The following SEC23A variants were observed in gnomAD, a reference collection of about 807,000 sequenced individuals.
SEC23A encodes SEC23 homolog A, COPII component, also known as protein transport protein Sec23A.
In SEC23A, 56 loss-of-function variants were observed where a neutral mutation model predicts 103.7. The ratio of observed to expected loss-of-function variants is 0.54; its 90% CI spans 0.44 to 0.67. The LOEUF (loss-of-function observed/expected upper bound fraction) is 0.67. Among genes scored for constraint, SEC23A ranks in the 30% least tolerant of loss-of-function variants. The pLI is 0.00. For synonymous variants in SEC23A, 281 were observed against 293.0 expected (o/e 0.96, Z 0.42); for missense variants, 784 against 936.4 (o/e 0.84, Z 2.12).
chr14:39,052,181 G>C (rs1370202476), intron 14 of SEC23A, among the ~76,000 whole-genome samples: 1 of 151,960 alleles, frequency 6.6e-6, no homozygotes, highest in East Asian at 1.9e-4. Flanking sequence ...GAGAGCATTG[G>C]GAAGAATAGC....
At chr14:39,079,852 A>C (rs1887161985) in intron 7 of SEC23A, among the ~76,000 whole-genome samples, 1 of 152,070 alleles carries the variant, frequency 6.6e-6, no homozygotes, top group Admixed American at 6.6e-5. Flanking sequence ...AAAATAAAAT[A>C]AAATCATATG....
intron 7 of SEC23A, among the ~76,000 whole-genome samples, chr14:39,079,335 T>C (rs1463166586): frequency 6.6e-6 from 1 of 152,182 alleles, no homozygotes; most frequent in Non-Finnish European, 1.5e-5. Context: ...CTTTTACATA[T>C]GAAAGTATCC....
intron 14 of SEC23A, among the ~76,000 whole-genome samples, chr14:39,052,059 G>A (rs1359097220): frequency 6.6e-6 from 1 of 152,032 alleles, no homozygotes; most frequent in East Asian, 1.9e-4. Context: ...GACAGGAATA[G>A]AAAAGCAAAC....
chr14:39,071,064 G>A (rs1476965155), intron 9 of SEC23A, among the ~76,000 whole-genome samples: 3 of 151,936 alleles, frequency 2.0e-5, no homozygotes, highest in South Asian at 2.1e-4. Flanking sequence ...GACTTACCCC[G>A]AAGATCAAGA....
Position 39,095,940 on chromosome 14 carries a change from A to G in SEC23A, c.179T>C (p.Leu60Pro), listed in dbSNP as rs774109418. ...DLPPIQYEPV[L>P]CSRTTCRAVL... The stretch of plus-strand genomic sequence containing the variant: ...TGCACGGCAAGTGGTCCTACTACAC[A>G]GAACAGGTTCATATTGAATAGGTGG... Residue 60 changes from leucine to proline, a missense_variant, in exon 2 of 20, where the codon CTG becomes CCG. This residue lies in a region of SEC23A where 683 missense variants were observed against 774.2 expected (regional missense o/e 0.88). Coordinates refer to ENST00000307712, the MANE Select transcript of SEC23A (RefSeq NM_006364.4). The G allele has an allele frequency of 4.3e-6, 7 of 1,614,192 alleles. No homozygotes were observed. The highest frequency in any genetic ancestry group is 5.9e-6 in the Non-Finnish European group (7 of 1,180,020).
intron 7 of SEC23A, among the ~76,000 whole-genome samples, chr14:39,085,517 G>C (rs1274729564): frequency 1.3e-5 from 2 of 152,070 alleles, no homozygotes; most frequent in Non-Finnish European, 2.9e-5. Flanking sequence ...GTTATCTCCA[G>C]TTAGATAGTA....
At chr14:39,047,445 G>A (rs1415743235) in intron 15 of SEC23A, 1 of 1,277,118 alleles carries the variant, frequency 7.8e-7, no homozygotes, top group Non-Finnish European at 1.0e-6. Context: ...TCCTCTGTAA[G>A]CATGGAGTTT....
chr14:39,085,639 A>C, intron 7 of SEC23A, 123 bp downstream of exon 7: 1 of 1,145,202 alleles, frequency 8.7e-7, no homozygotes, highest in African/African-American at 1.5e-5. Flanking sequence ...GAGTGAGAGA[A>C]TAGGGAGGAA....
At chr14:39,068,967 T>C (rs1251987236) in intron 9 of SEC23A, among the ~76,000 whole-genome samples, 1 of 152,200 alleles carries the variant, frequency 6.6e-6, no homozygotes, top group Admixed American at 6.5e-5. Context: ...GATCCAGAAG[T>C]CTTGCCAACT....
At chr14:39,088,006 C>G (rs1887503340) in intron 5 of SEC23A, 1 of 152,138 alleles carries the variant, frequency 6.6e-6, no homozygotes, top group Non-Finnish European at 1.5e-5. Flanking sequence ...CTATAAAGCT[C>G]TATAAGGGTT....
intron 14 of SEC23A, among the ~76,000 whole-genome samples, chr14:39,053,491 C>T (rs1196049426): frequency 6.6e-6 from 1 of 150,554 alleles, no homozygotes; most frequent in Non-Finnish European, 1.5e-5. Flanking sequence ...AATAGTGGAC[C>T]CTATGAGAGG....
intron 5 of SEC23A, among the ~76,000 whole-genome samples, chr14:39,088,995 G>A (rs964412874): frequency 1.1e-4 from 16 of 151,256 alleles, no homozygotes; most frequent in East Asian, 3.9e-4. Context: ...GGTGAAACCC[G>A]GTCTCTACTA....
intron 1 of SEC23A, among the ~76,000 whole-genome samples, chr14:39,098,014 G>A (rs149289092): frequency 6.6e-6 from 1 of 152,030 alleles, no homozygotes; most frequent in Non-Finnish European, 1.5e-5. Flanking sequence ...GCTTGAACTG[G>A]GGGGGCAGAG....
In SEC23A at chr14:39,094,373, T is replaced by TACAC. The variant is rs1160995370; in HGVS notation, c.222-1133_222-1130dup. On this transcript the variant is annotated intron_variant, in intron 2 of 19. Coordinates refer to ENST00000307712, the MANE Select transcript of SEC23A (RefSeq NM_006364.4). Reference sequence around the variant, plus strand: ...ATATATACACATATACATATATATATACACACACACACACACACACACACA... The same window carrying TACAC: ...ATATATACACATATACATATATATATACACACACACACACACACACACACACACA... Among the ~76,000 whole-genome samples the TACAC allele has an allele frequency of 8.2e-4, 16 of 19,450 alleles. 3 individuals carry two copies. Among genetic ancestry groups the TACAC allele is most frequent in the South Asian group, 2.0e-3 (1 of 494 alleles). The allele number at this position is 19,450 out of a possible 152,430, so 12.8% of individuals were successfully genotyped here.
rs1172686756 is a variant in SEC23A at position 39,057,363 on chromosome 14, T to G, written c.1506-2067A>C. Among the ~76,000 whole-genome samples, 7 of 152,146 alleles carry G rather than the reference T, an allele frequency of 4.6e-5. No individual in the cohort carries two copies. In the East Asian group the frequency reaches 1.3e-3, roughly 29 times the overall value. On this transcript the variant is annotated intron_variant, in intron 13 of 19. Coordinates refer to ENST00000307712, the MANE Select transcript of SEC23A (RefSeq NM_006364.4). The stretch of plus-strand genomic sequence containing the variant: ...AGGAAGTTTTTAAAAAACAGAGATT[T>G]TTTTAAGAGACAAGGTCTCACTCTA...
At chr14:39,085,724 ACACAC>A in intron 7 of SEC23A, 33 bp downstream of exon 7, 1 of 1,581,016 alleles carries the variant, frequency 6.3e-7, no homozygotes, top group Non-Finnish European at 8.7e-7. Context: ...ACACACACAC[ACACAC>A]TTTACATTCC....
chr14:39,050,142 C>A (rs1886007307), intron 14 of SEC23A, among the ~76,000 whole-genome samples: 1 of 152,112 alleles, frequency 6.6e-6, no homozygotes, highest in African/African-American at 2.4e-5. Flanking sequence ...TCCTTATTTA[C>A]AACCCAACCA....
At chr14:39,079,500 G>T (rs979671378) in intron 7 of SEC23A, among the ~76,000 whole-genome samples, 1 of 152,016 alleles carries the variant, frequency 6.6e-6, no homozygotes, top group Non-Finnish European at 1.5e-5. Context: ...GAATGTAAAC[G>T]ATATAAACTT....
Position 39,051,967 on chromosome 14 carries a change from G to GA in SEC23A, c.1659+3175dup, listed in dbSNP as rs34179296. ...GGGCGACAAGGCGAGGCTCCTTCTC[G>GA]AAAAAAAAAAAAAATGGAACCAGAT... On this transcript the variant is annotated intron_variant, in intron 14 of 19. Transcript: ENST00000307712. 4.8e-4 allele frequency among the ~76,000 whole-genome samples: 69 copies of GA among 143,778 alleles called. 1 individual carries two copies. Among genetic ancestry groups the GA allele is most frequent in the Middle Eastern group, 7.1e-3 (2 of 280 alleles). The allele number at this position is 143,778 out of a possible 152,430, so 94.3% of individuals were successfully genotyped here. A position where few individuals can be genotyped will look rare whatever the true frequency, so the allele number is the denominator to read the frequency against.
Sources: allele counts gnomAD v4.1 joint callset (sites outside exome capture counted in the v4.1 genomes callset), GRCh38; gene constraint gnomAD v4.1.1; regional missense constraint gnomAD v4.1.1; transcripts MANE v1.5; gene names NCBI Gene and HGNC (gene_info 2026-07-23, HGNC 2026-07-21).